Variants in CYB5R2 observed in about 807,000 individuals in gnomAD.
CYB5R2 encodes the protein NADH-cytochrome b5 reductase 2.
In CYB5R2, 35 loss-of-function variants were observed where a neutral mutation model predicts 29.8. The observed-to-expected ratio is 1.17, with a 90% CI of 0.90 to 1.56. The LOEUF is 1.56. CYB5R2 is among the 40% of genes most tolerant of loss of function. The pLI is 0.00. For synonymous variants in CYB5R2, 169 were observed against 130.6 expected, an observed-to-expected ratio of 1.29 and a Z score of -2.01; for missense variants, 419 against 346.7, an observed-to-expected ratio of 1.21 and a Z score of -1.66.
upstream of CYB5R2, chr11:7,673,854 G>T (rs1855921336): frequency 1.0e-6 from 1 of 988,774 alleles, no homozygotes; most frequent in Non-Finnish European, 1.2e-6. Context: ...GGACACGCAC[G>T]CCCGGGAGGA....
In CYB5R2 at chr11:7,672,434, A is replaced by T; in HGVS notation, c.151+17T>A. The stretch of plus-strand genomic sequence containing the variant: ...CCCAGAGGCCCCAGTCCTGGTGATG[A>T]CCCAAGCCCGGCTCACCTACAGGAA... On this transcript the variant is annotated intron_variant, in intron 3 of 8. Coordinates refer to ENST00000299498, the MANE Select transcript of CYB5R2 (RefSeq NM_016229.5). 6.2e-7 allele frequency: 1 copy of T among 1,613,200 alleles called. No homozygotes were observed. The highest frequency in any genetic ancestry group is 8.5e-7 in the Non-Finnish European group (1 of 1,179,212).
Position 7,672,843 on chromosome 11 carries a change from C to CG in CYB5R2, c.-19dup, listed in dbSNP as rs1555009809. ...GAGTTCATGCTCTTCAGGACCAACA[C>CG]GAGCACAGTGACCCCAGTGACGGTG... On this transcript the variant is annotated 5_prime_UTR_variant, in exon 2 of 9. Coordinates refer to ENST00000299498, the MANE Select transcript of CYB5R2 (RefSeq NM_016229.5). 2 of 1,614,126 alleles carry CG rather than the reference C, an allele frequency of 1.2e-6. No individual in the cohort carries two copies. Among genetic ancestry groups the CG allele is most frequent in the South Asian group, 2.2e-5 (2 of 91,082 alleles).
intron 7 of CYB5R2, chr11:7,667,304 A>C (rs1324732676): frequency 6.7e-6 from 1 of 149,576 alleles, no homozygotes; most frequent in East Asian, 2.0e-4. Flanking sequence ...CTTAAAGAGA[A>C]GAAAATGCCT....
intron 7 of CYB5R2, 85 bp downstream of exon 7, chr11:7,667,643 G>C (rs1855388439): frequency 8.0e-7 from 1 of 1,256,114 alleles, no homozygotes; most frequent in South Asian, 1.2e-5. Context: ...AGCAGCATGA[G>C]CTCAGTCAAT....
chr11:7,668,673 C>T, intron 5 of CYB5R2, 112 bp from the exon 6 acceptor site: 1 of 887,962 alleles, frequency 1.1e-6, no homozygotes, highest in Non-Finnish European at 1.9e-6. Flanking sequence ...AAGGGACTGT[C>T]TGCACCATTT....
chr11:7,669,256 C>T lies in CYB5R2; in HGVS notation c.337G>A (p.Glu113Lys). Residue 113 changes from glutamate to lysine, a missense_variant, in exon 5 of 9, where the codon GAG (glutamate) becomes AAG (lysine). Physicochemically the swap from Glu to Lys is moderately conservative, Grantham distance 56. Transcript: ENST00000299498. ...CTTGGCCCTCGAAAAAAGATGGTCT[C>T]CCCGATTTTCATGTTCTCCAAATAC... The part of the protein sequence containing the change: ...TQYLENMKIG[E>K]TIFFRGPRGR... The T allele has an allele frequency of 6.2e-7, 1 of 1,614,138 alleles. No homozygotes were observed. The highest frequency in any genetic ancestry group is 8.5e-7 in the Non-Finnish European group (1 of 1,180,020).
At chr11:7,673,138 A>G (rs1381718182) in intron 1 of CYB5R2, 2 of 431,330 alleles carry the variant, frequency 4.6e-6, no homozygotes, top group African/African-American at 4.0e-5. Flanking sequence ...CAGGCAGCAC[A>G]CATGGCCTGG....
upstream of CYB5R2, chr11:7,673,990 C>A (rs574947564): frequency 4.4e-6 from 5 of 1,138,792 alleles, no homozygotes; most frequent in African/African-American, 8.4e-5. Flanking sequence ...CCCAGGGCAG[C>A]GCTCCATCAT....
chr11:7,669,560 T>C, intron 4 of CYB5R2, 65 bp downstream of exon 4: 1 of 1,368,268 alleles, frequency 7.3e-7, no homozygotes, highest in Non-Finnish European at 1.0e-6. Flanking sequence ...GCACTGCCCC[T>C]CCACCCCACC....
intron 8 of CYB5R2, chr11:7,665,886 A>C: frequency 6.5e-7 from 1 of 1,536,120 alleles, no homozygotes; most frequent in Non-Finnish European, 8.7e-7. Flanking sequence ...GCCTGGTGTT[A>C]GTGGAACTGC....
At chr11:7,666,916 A>G in intron 7 of CYB5R2, 1 of 181,384 alleles carries the variant, frequency 5.5e-6, no homozygotes, top group Non-Finnish European at 1.2e-5. Flanking sequence ...AACTGGAACA[A>G]GCTCAGTGCA....
intron 3 of CYB5R2, 32 bp from the exon 4 acceptor site, chr11:7,669,763 G>T: frequency 6.7e-7 from 1 of 1,492,776 alleles, no homozygotes; most frequent in Non-Finnish European, 9.3e-7. Context: ...CTGAGTCAAA[G>T]CATATTTAGC....
In CYB5R2 at chr11:7,665,778, T is replaced by TCTGTCAG. The variant is rs1204116885; in HGVS notation, c.659-239_659-233dup. ...CAGGGACCCTGAAGCCCTGCTGCTG[T>TCTGTCAG]CTGTCAGCTGTCAGCATTGACGAGG... On this transcript the variant is annotated intron_variant, in intron 8 of 8. Coordinates refer to ENST00000299498, the MANE Select transcript of CYB5R2 (RefSeq NM_016229.5). The TCTGTCAG allele has an allele frequency of 2.4e-5, 34 of 1,443,532 alleles. No homozygotes were observed. The Admixed American group carries it at 5.9e-4, about 25-fold the overall frequency. The allele number at this position is 1,443,532 out of a possible 1,614,324, so 89.4% of individuals were successfully genotyped here.
Position 7,667,511 on chromosome 11 carries a change from A to G in CYB5R2, c.558+217T>C. Reference sequence around the variant, plus strand: ...AGGAAAAAAGGAATGCTTAGTGCTTAGGGCTGGCTGAGGAGACACAAAAGA... The same window carrying G: ...AGGAAAAAAGGAATGCTTAGTGCTTGGGGCTGGCTGAGGAGACACAAAAGA... On this transcript the variant is annotated intron_variant, in intron 7 of 8. Transcript: ENST00000299498. 7.8e-6 allele frequency: 4 copies of G among 515,170 alleles called. No homozygotes were observed. In the South Asian group the frequency reaches 1.2e-4, roughly 15 times the overall value. 31.9% of individuals were successfully genotyped at this position (515,170 alleles called of 1,614,324 possible).
intron 1 of CYB5R2, 102 bp from the exon 2 acceptor site, chr11:7,672,993 T>TGA: frequency 8.6e-7 from 1 of 1,158,888 alleles, no homozygotes; most frequent in Non-Finnish European, 1.2e-6. Context: ...GCACAGGAGC[T>TGA]GAGCTCTGCC....
chr11:7,665,969 A>G lies in CYB5R2; in HGVS notation c.659-423T>C, dbSNP rs964928236. 2.7e-6 allele frequency: 4 copies of G among 1,496,506 alleles called. No individual in the cohort carries two copies. The South Asian group carries it at 3.6e-5, about 13-fold the overall frequency. 92.7% of individuals were successfully genotyped at this position (1,496,506 alleles called of 1,614,324 possible). The stretch of plus-strand genomic sequence containing the variant: ...ATGACAAGCAGGTACAGCCGGGAGC[A>G]GTGTGAGAGGCGCGCCTGTGGGGTG... On this transcript the variant is annotated intron_variant, in intron 8 of 8. Transcript: ENST00000299498.
chr11:7,668,672 T>A, intron 5 of CYB5R2, 111 bp from the exon 6 acceptor site: 2 of 887,594 alleles, frequency 2.3e-6, no homozygotes, highest in Non-Finnish European at 3.8e-6. Context: ...TAAGGGACTG[T>A]CTGCACCATT....
chr11:7,674,105 A>G (rs1000015876), upstream of CYB5R2: 6 of 1,204,460 alleles, frequency 5.0e-6, no homozygotes, highest in East Asian at 5.7e-5. Flanking sequence ...AGCGCCCCTC[A>G]GCTTACTTAA....
upstream of CYB5R2, chr11:7,673,999 ATGAGGCTGGCGGGGCGCTGAGCCGTGGCG>A: frequency 8.7e-7 from 1 of 1,148,390 alleles, no homozygotes; most frequent in Non-Finnish European, 1.1e-6. Flanking sequence ...GCGCTCCATC[ATGAGGCTGGCGGGGCGCTGAGCCGTGGCG>A]TCCTCGCTCC....
Sources: gnomAD v4.1 joint callset for allele counts on GRCh38, gnomAD v4.1.1 for gene constraint, MANE v1.5 for transcripts, NCBI Gene and HGNC (gene_info 2026-07-23, HGNC 2026-07-21) for gene names.